RBFOX3: variants seen among roughly 807,000 people sequenced by gnomAD.
The protein encoded by RBFOX3 is RNA binding fox-1 homolog 3.
A neutral mutation model predicts 48.7 loss-of-function variants in RBFOX3; 17 were observed. That is an observed-to-expected ratio of 0.35 (90% CI 0.24 to 0.52). RBFOX3 has a LOEUF of 0.52. RBFOX3 is among the 20% of genes least tolerant of loss of function. The pLI is 0.94. For missense variants in RBFOX3, 382 were observed against 497.5 expected, an observed-to-expected ratio of 0.77 and a Z score of 2.21; for synonymous variants, 212 against 209.5, an observed-to-expected ratio of 1.01 and a Z score of -0.10.
intron 2 of RBFOX3, among the ~76,000 whole-genome samples, chr17:79,472,668 A>G (rs1555757659): frequency 6.6e-6 from 1 of 152,166 alleles, no homozygotes; most frequent in Non-Finnish European, 1.5e-5. Context: ...GTGAGCCCCC[A>G]GGCTGAGGGG....
chr17:79,521,218 A>G (rs1247349463), intron 1 of RBFOX3, among the ~76,000 whole-genome samples: 2 of 132,994 alleles, frequency 1.5e-5, no homozygotes, highest in African/African-American at 7.0e-5. Context: ...TCACGCTCAG[A>G]CACACACACA....
chr17:79,461,748 G>A lies in RBFOX3; in HGVS notation c.-175+20706C>T, dbSNP rs148923898. Reference sequence around the variant, plus strand: ...CGAAATTGTCCTGGATTTAGGATGGGCCTCCAATCCAATGACTGGCATGTT... The same window carrying A: ...CGAAATTGTCCTGGATTTAGGATGGACCTCCAATCCAATGACTGGCATGTT... On this transcript the variant is annotated intron_variant, in intron 2 of 14. Transcript: ENST00000693108. Among the ~76,000 whole-genome samples the A allele has an allele frequency of 3.3e-5, 5 of 152,318 alleles. No individual in the cohort carries two copies. The East Asian group carries it at 5.8e-4, about 18-fold the overall frequency.
At chr17:79,570,198 T>C (rs1432508320) in intron 1 of RBFOX3, among the ~76,000 whole-genome samples, 1 of 149,904 alleles carries the variant, frequency 6.7e-6, no homozygotes, top group African/African-American at 2.5e-5. Context: ...TATAGATGGA[T>C]AGTAGATGGA....
intron 12 of RBFOX3, 33 bp downstream of exon 12, chr17:79,096,620 T>TCCCCCC: frequency 6.0e-6 from 9 of 1,502,338 alleles, no homozygotes; most frequent in South Asian, 2.4e-5. Context: ...GAACGCCTGA[T>TCCCCCC]CCCACCCTCC....
intron 2 of RBFOX3, among the ~76,000 whole-genome samples, chr17:79,434,033 G>C (rs113304415): frequency 6.6e-5 from 10 of 152,282 alleles, no homozygotes; most frequent in African/African-American, 2.4e-4. Flanking sequence ...TGGCGCTCAG[G>C]AACACTGGAC....
Position 79,390,249 on chromosome 17 carries a change from C to G in RBFOX3, c.-174-82425G>C, listed in dbSNP as rs1056431974. ...AGAGGTCCTCCTAGAATAACACATC[C>G]CTCCGCCCCATCATCCTGCAATCCT... On this transcript the variant is annotated intron_variant, in intron 2 of 14. Coordinates refer to ENST00000693108, the MANE Select transcript of RBFOX3 (RefSeq NM_001350451.2). This position sits in a 1 kb window ranked among gnomAD's most constrained non-coding sequence, Gnocchi z 4.2. Among the ~76,000 whole-genome samples, 2 of 152,256 alleles carry G rather than the reference C, an allele frequency of 1.3e-5. No individual in the cohort carries two copies. Among genetic ancestry groups the G allele is most frequent in the African/African-American group, 2.4e-5 (1 of 41,466 alleles).
intron 1 of RBFOX3, among the ~76,000 whole-genome samples, chr17:79,502,981 A>C (rs2082582292): frequency 1.3e-5 from 2 of 152,232 alleles, no homozygotes; most frequent in Non-Finnish European, 2.9e-5. Flanking sequence ...AACAAGAGAC[A>C]GGTATTTCCC....
intron 4 of RBFOX3, among the ~76,000 whole-genome samples, chr17:79,168,958 A>G (rs115262234): frequency 0.016 from 2,447 of 152,302 alleles, 64 homozygotes; most frequent in African/African-American, 0.056. Context: ...CCCCAGACAC[A>G]CAGCCGTGAT....
At chr17:79,454,812 G>A (rs2074194458) in intron 2 of RBFOX3, among the ~76,000 whole-genome samples, 2 of 152,294 alleles carry the variant, frequency 1.3e-5, no homozygotes, top group Non-Finnish European at 2.9e-5. Context: ...GACATGAGCT[G>A]AGCCAGGGTC....
At chr17:79,256,790 C>T (rs905531783) in intron 3 of RBFOX3, among the ~76,000 whole-genome samples, 9 of 151,910 alleles carry the variant, frequency 5.9e-5, no homozygotes, top group Admixed American at 2.6e-4. Flanking sequence ...TGGTGGCGCA[C>T]GCACCTGAAA....
At chr17:79,381,129 G>A (rs9747520) in intron 2 of RBFOX3, among the ~76,000 whole-genome samples, 144,901 of 152,062 alleles carry the variant, frequency 0.95, 69,070 homozygotes, top group Middle Eastern at 0.99. Context: ...GCATGGTGGT[G>A]TGTGCCTGTG....
chr17:79,101,897 C>G (rs2076511510), intron 8 of RBFOX3, among the ~76,000 whole-genome samples: 1 of 152,210 alleles, frequency 6.6e-6, no homozygotes, highest in Non-Finnish European at 1.5e-5. Flanking sequence ...CCCATAAACC[C>G]AGCCCCAGGC....
chr17:79,130,168 G>A (rs992053912), intron 4 of RBFOX3, among the ~76,000 whole-genome samples: 6 of 152,120 alleles, frequency 3.9e-5, no homozygotes, highest in Non-Finnish European at 7.4e-5. Flanking sequence ...GCTGTCGGAC[G>A]CCCCGCCACA....
intron 4 of RBFOX3, among the ~76,000 whole-genome samples, chr17:79,170,143 A>AGGAGGAAGG (rs796734338): frequency 9.0e-4 from 100 of 111,310 alleles, no homozygotes; most frequent in African/African-American, 3.6e-3. Context: ...GGAAGGAGGG[A>AGGAGGAAGG]AGGAAGGAAG....
intron 3 of RBFOX3, among the ~76,000 whole-genome samples, chr17:79,253,886 G>A (rs2148326149): frequency 1.3e-5 from 2 of 152,232 alleles, no homozygotes; most frequent in East Asian, 3.9e-4. Flanking sequence ...GATTACCACG[G>A]AGGAAGCTCA....
intron 5 of RBFOX3, among the ~76,000 whole-genome samples, chr17:79,114,511 G>A (rs926445985): frequency 6.6e-6 from 1 of 152,202 alleles, no homozygotes; most frequent in Non-Finnish European, 1.5e-5. Flanking sequence ...GGAAGCCCCT[G>A]CCCACACATG....
intron 2 of RBFOX3, among the ~76,000 whole-genome samples, chr17:79,450,954 T>C (rs540207094): frequency 4.6e-5 from 7 of 152,220 alleles, no homozygotes; most frequent in Non-Finnish European, 1.0e-4. Flanking sequence ...TGAGATTTTC[T>C]AAATCAGAGC....
chr17:79,368,163 G>A (rs1002476019), intron 2 of RBFOX3, among the ~76,000 whole-genome samples: 3 of 152,188 alleles, frequency 2.0e-5, no homozygotes, highest in Non-Finnish European at 4.4e-5. Flanking sequence ...GGGATCCCAC[G>A]GGATGGGTTC....
At chr17:79,626,521 G>A in the RBFOX3 span, among the ~76,000 whole-genome samples, 30 of 152,278 alleles carry the variant, frequency 2.0e-4, no homozygotes, top group Non-Finnish European at 3.4e-4. Context: ...GGATTCTCAC[G>A]GCCCCATCTG....
Sources: allele counts gnomAD v4.1 joint callset (sites outside exome capture counted in the v4.1 genomes callset), GRCh38; gene constraint gnomAD v4.1.1; non-coding constraint Gnocchi (gnomAD v3.1); transcripts MANE v1.5; gene names NCBI Gene and HGNC (gene_info 2026-07-23, HGNC 2026-07-21).